Variants in ST3GAL2 observed in about 807,000 individuals in gnomAD.
ST3GAL2 encodes the protein ST3 beta-galactoside alpha-2,3-sialyltransferase 2.
In ST3GAL2, 16 loss-of-function variants were observed where a neutral mutation model predicts 37.5. That is an observed-to-expected ratio of 0.43 (90% CI 0.29 to 0.65). ST3GAL2 has a LOEUF of 0.65. Among genes scored for constraint, ST3GAL2 ranks in the 30% least tolerant of loss-of-function variants. The pLI, the probability that ST3GAL2 is intolerant of heterozygous loss-of-function variation, is 0.17. For missense variants in ST3GAL2, 383 were observed against 487.8 expected, an observed-to-expected ratio of 0.79 and a Z score of 2.02; for synonymous variants, 238 against 202.9, an observed-to-expected ratio of 1.17 and a Z score of -1.47.
intron 1 of ST3GAL2, among the ~76,000 whole-genome samples, chr16:70,426,515 CTTTT>C (rs1306374449): frequency 2.3e-5 from 3 of 132,464 alleles, no homozygotes; most frequent in African/African-American, 8.2e-5. Context: ...AAGTGTTTTT[CTTTT>C]TTTTTTTTTG....
At chr16:70,426,095 A>T (rs1219890443) in intron 1 of ST3GAL2, among the ~76,000 whole-genome samples, 1 of 152,140 alleles carries the variant, frequency 6.6e-6, no homozygotes, top group Non-Finnish European at 1.5e-5. Flanking sequence ...AGGAAAAAAG[A>T]ACATGACCGT....
At position 70,381,141 on chromosome 16, in the gene ST3GAL2, G is replaced by C. The variant is rs2047399522; in HGVS notation, c.*548C>G. 1 of 152,458 alleles carries C rather than the reference G, an allele frequency of 6.6e-6. No individual in the cohort carries two copies. Among genetic ancestry groups the C allele is most frequent in the African/African-American group, 2.4e-5 (1 of 41,456 alleles). 9.4% of individuals were successfully genotyped at this position (152,458 alleles called of 1,614,324 possible). A position where few individuals can be genotyped will look rare whatever the true frequency, so the allele number is the denominator to read the frequency against. ...GGCGCAGCCATCCCACAGCGCGGCC[G>C]AGGTGGGACTGGGGGTCCCGCAGCG... On this transcript the variant is annotated 3_prime_UTR_variant, in exon 7 of 7. Transcript: ENST00000342907.
At position 70,398,478 on chromosome 16, in the gene ST3GAL2, A is replaced by AAC; in HGVS notation, c.51_52dup (p.Phe18CysfsTer32). The AAC allele has an allele frequency of 6.2e-7, 1 of 1,613,402 alleles. No individual in the cohort carries two copies. The highest frequency in any genetic ancestry group is 1.3e-5 in the African/African-American group (1 of 75,060). ...GTAGGTGAAGAGCAGGGACATGATG[A>AAC]ACACCAGCAGGAAGGCCACGGAGAG... On this transcript the variant is annotated frameshift_variant, in exon 2 of 7. Transcript: ENST00000342907. LOFTEE classifies it high-confidence loss of function.
intron 1 of ST3GAL2, among the ~76,000 whole-genome samples, chr16:70,419,525 G>A (rs780431909): frequency 4.6e-5 from 7 of 152,174 alleles, no homozygotes; most frequent in Non-Finnish European, 8.8e-5. Context: ...AGAGGGCAGC[G>A]GCACAGTGAC....
chr16:70,395,210 G>A (rs745943618), intron 2 of ST3GAL2, 35 bp from the exon 3 acceptor site: 1 of 1,572,292 alleles, frequency 6.4e-7, no homozygotes, highest in Non-Finnish European at 8.6e-7. Context: ...AAACGAGGAA[G>A]GGGAGAGGTG....
chr16:70,382,095 A>G (rs539077367), intron 6 of ST3GAL2, among the ~76,000 whole-genome samples: 34 of 129,804 alleles, frequency 2.6e-4, no homozygotes, highest in African/African-American at 1.0e-3. Context: ...GATCAGCACC[A>G]CTCAGTGAAG....
chr16:70,398,366 G>A lies in ST3GAL2; in HGVS notation c.165C>T (p.Ala55=), dbSNP rs762496575. The A allele has an allele frequency of 1.4e-5, 23 of 1,613,344 alleles. No individual in the cohort carries two copies. Among genetic ancestry groups the A allele is most frequent in the South Asian group, 5.5e-5 (5 of 91,086 alleles). ...THRVKLVPGY[A]GLQRLSKERL... ...TCTCCTTGCTGAGGCGCTGCAGGCCGGCATAGCCGGGCACCAGCTTCACCC... is the reference window on the plus strand; with the variant it reads ...TCTCCTTGCTGAGGCGCTGCAGGCCAGCATAGCCGGGCACCAGCTTCACCC... The change falls in exon 2 of 7, where the codon GCC becomes GCT. Residue 55 remains alanine (A), a synonymous_variant. Coordinates refer to ENST00000342907, the MANE Select transcript of ST3GAL2 (RefSeq NM_006927.4).
chr16:70,403,450 G>A (rs1341745305), intron 1 of ST3GAL2, among the ~76,000 whole-genome samples: 1 of 152,226 alleles, frequency 6.6e-6, no homozygotes, highest in African/African-American at 2.4e-5. Context: ...GGGAGGCCAA[G>A]GCGGGAGGAT....
intron 1 of ST3GAL2, chr16:70,422,883 T>A (rs976202891): frequency 1.3e-5 from 2 of 152,318 alleles, no homozygotes; most frequent in East Asian, 3.9e-4. Flanking sequence ...ACCTGTCCCC[T>A]CACAAACTGG....
intron 2 of ST3GAL2, among the ~76,000 whole-genome samples, chr16:70,396,128 T>C (rs1360726572): frequency 6.6e-6 from 1 of 151,932 alleles, no homozygotes. Context: ...TGCTTCACCA[T>C]ACCCTACTAA....
chr16:70,385,695 G>GTTTT (rs1212159061), intron 4 of ST3GAL2, among the ~76,000 whole-genome samples: 1 of 134,596 alleles, frequency 7.4e-6, no homozygotes, highest in Non-Finnish European at 1.6e-5. Context: ...TCCTTTTTTG[G>GTTTT]TTCTTTTTTT....
chr16:70,381,919 G>C, intron 6 of ST3GAL2, 57 bp from the exon 7 acceptor site: 1 of 1,599,298 alleles, frequency 6.3e-7, no homozygotes, highest in South Asian at 1.1e-5. Flanking sequence ...GATGGCGCGG[G>C]GCGGGCTCGG....
chr16:70,428,003 C>G (rs984845941), intron 1 of ST3GAL2, among the ~76,000 whole-genome samples: 3 of 152,214 alleles, frequency 2.0e-5, no homozygotes, highest in Non-Finnish European at 4.4e-5. Flanking sequence ...CCAGACCTCC[C>G]AATGCTCTGG....
rs769400079 is a variant in ST3GAL2, at chr16:70,398,360, C to T, written c.171G>A (p.Leu57=). 2 of 1,613,490 alleles carry T rather than the reference C, an allele frequency of 1.2e-6. No individual in the cohort carries two copies. Among genetic ancestry groups the T allele is most frequent in the South Asian group, 2.2e-5 (2 of 91,086 alleles). ...RVKLVPGYAG[L]QRLSKERLSG... The stretch of plus-strand genomic sequence containing the variant: ...AGAGCCTCTCCTTGCTGAGGCGCTG[C>T]AGGCCGGCATAGCCGGGCACCAGCT... The change falls in exon 2 of 7, where the codon CTG becomes CTA. Residue 57 remains leucine (L), a synonymous_variant. Coordinates refer to ENST00000342907, the MANE Select transcript of ST3GAL2 (RefSeq NM_006927.4).
intron 1 of ST3GAL2, among the ~76,000 whole-genome samples, chr16:70,404,732 C>A (rs1272733767): frequency 6.6e-6 from 1 of 152,094 alleles, no homozygotes; most frequent in Non-Finnish European, 1.5e-5. Flanking sequence ...AACTTAGGTT[C>A]ACATAAAAAC....
At chr16:70,407,134 C>A (rs2047597937) in intron 1 of ST3GAL2, among the ~76,000 whole-genome samples, 1 of 149,528 alleles carries the variant, frequency 6.7e-6, no homozygotes, top group East Asian at 2.0e-4. Flanking sequence ...GGTGGCAAGA[C>A]AACACTATGG....
intron 1 of ST3GAL2, among the ~76,000 whole-genome samples, chr16:70,417,781 G>T (rs1262434885): frequency 6.6e-6 from 1 of 151,912 alleles, no homozygotes; most frequent in Admixed American, 6.6e-5. Flanking sequence ...AGCCAGAGAG[G>T]GTCTGGAGTG....
At chr16:70,424,263 G>T (rs2047735693) in intron 1 of ST3GAL2, among the ~76,000 whole-genome samples, 1 of 146,144 alleles carries the variant, frequency 6.8e-6, no homozygotes, top group South Asian at 2.3e-4. Flanking sequence ...CCAAAGTGCT[G>T]GGATTACAGG....
At chr16:70,382,212 G>A (rs973987330) in intron 6 of ST3GAL2, among the ~76,000 whole-genome samples, 7 of 152,028 alleles carry the variant, frequency 4.6e-5, no homozygotes, top group Non-Finnish European at 8.8e-5. Context: ...GTAGGCCTGG[G>A]GCTCAGAGCT....
Sources: gnomAD v4.1 joint callset for allele counts (sites outside exome capture counted in the v4.1 genomes callset) on GRCh38, gnomAD v4.1.1 for gene constraint, MANE v1.5 for transcripts, NCBI Gene and HGNC (gene_info 2026-07-23, HGNC 2026-07-21) for gene names.